Variants in CPA6 observed in about 807,000 individuals in gnomAD.
CPA6 encodes carboxypeptidase B.
In CPA6, 58 loss-of-function variants were observed where a neutral mutation model predicts 63.3. The observed-to-expected ratio is 0.92, with a 90% confidence interval of 0.74 to 1.14. The LOEUF (loss-of-function observed/expected upper bound fraction) is 1.14, where lower values mean the gene tolerates loss of function less well. CPA6 is among the 50% of genes most tolerant of loss of function. The pLI is 0.00. For synonymous variants in CPA6, 185 were observed against 179.0 expected (o/e 1.03, Z -0.27); for missense variants, 565 against 526.6 (o/e 1.07, Z -0.71).
chr8:67,716,444 G>A (rs759861740), intron 1 of CPA6, among the ~76,000 whole-genome samples: 14 of 152,134 alleles, frequency 9.2e-5, no homozygotes, highest in African/African-American at 2.7e-4. Context: ...AGAGACAAAT[G>A]GTTACATTCT....
intron 1 of CPA6, among the ~76,000 whole-genome samples, chr8:67,640,221 G>C (rs1203108739): frequency 1.6e-4 from 24 of 151,182 alleles, no homozygotes; most frequent in Admixed American, 1.6e-3. Flanking sequence ...CTTCACCAGG[G>C]ACCTGCCCCC....
chr8:67,422,449 G>A lies in CPA6; in HGVS notation c.*55C>T, dbSNP rs770461914. The A allele has an allele frequency of 3.0e-5, 45 of 1,483,918 alleles. No homozygotes were observed. The highest frequency in any genetic ancestry group is 4.0e-5 in the Non-Finnish European group (43 of 1,079,894). The allele number at this position is 1,483,918 out of a possible 1,614,324, so 91.9% of individuals were successfully genotyped here. On this transcript the variant is annotated 3_prime_UTR_variant, in exon 11 of 11. Transcript: ENST00000297770. ...TCTTTGAAAACAATTTCTATCCAGG[G>A]CCAAGTAGGCCTTGCTCAGAATCCT...
At chr8:67,665,006 C>T (rs1471073145) in intron 1 of CPA6, among the ~76,000 whole-genome samples, 1 of 152,148 alleles carries the variant, frequency 6.6e-6, no homozygotes, top group Non-Finnish European at 1.5e-5. Context: ...GCAATGGTTA[C>T]AGTAACCCAG....
At chr8:67,653,567 G>A (rs1815902243) in intron 1 of CPA6, among the ~76,000 whole-genome samples, 1 of 151,910 alleles carries the variant, frequency 6.6e-6, no homozygotes, top group Non-Finnish European at 1.5e-5. Context: ...GTATAAGAAT[G>A]TTTGTGATTT....
At chr8:67,667,242 A>T (rs1310398049) in intron 1 of CPA6, among the ~76,000 whole-genome samples, 1 of 151,382 alleles carries the variant, frequency 6.6e-6, no homozygotes, top group African/African-American at 2.5e-5. Context: ...GTCATTTCGG[A>T]TTGGGGTGAA....
intron 1 of CPA6, among the ~76,000 whole-genome samples, chr8:67,674,345 C>G (rs1816421113): frequency 6.6e-6 from 1 of 152,158 alleles, no homozygotes; most frequent in African/African-American, 2.4e-5. Context: ...GCTAAAGCCC[C>G]TTAGCTGTAA....
intron 1 of CPA6, among the ~76,000 whole-genome samples, chr8:67,630,285 C>T (rs541213906): frequency 1.3e-5 from 2 of 152,156 alleles, no homozygotes; most frequent in African/African-American, 4.8e-5. Context: ...CACTCACACA[C>T]CCATGCTCAC....
intron 8 of CPA6, among the ~76,000 whole-genome samples, chr8:67,448,862 C>T (rs948584109): frequency 6.6e-6 from 1 of 151,936 alleles, no homozygotes; most frequent in Non-Finnish European, 1.5e-5. Flanking sequence ...ATCATCCCTT[C>T]AGTTTTTCTA....
intron 1 of CPA6, among the ~76,000 whole-genome samples, chr8:67,651,024 AT>A (rs1175906316): frequency 1.3e-5 from 2 of 152,192 alleles, no homozygotes; most frequent in African/African-American, 4.8e-5. Context: ...GCAGTCTAAA[AT>A]TAGCCACTGA....
intron 8 of CPA6, among the ~76,000 whole-genome samples, chr8:67,441,487 A>G (rs1485425956): frequency 2.0e-5 from 3 of 152,212 alleles, no homozygotes; most frequent in East Asian, 1.9e-4. Context: ...AGAAAACTCA[A>G]CTAAAGAACT....
intron 8 of CPA6, among the ~76,000 whole-genome samples, chr8:67,469,854 T>C (rs1811016333): frequency 6.6e-6 from 1 of 152,056 alleles, no homozygotes. Flanking sequence ...TCCCTCTTTC[T>C]CTCTCTTTTT....
intron 1 of CPA6, among the ~76,000 whole-genome samples, chr8:67,674,822 C>G (rs1169339929): frequency 6.6e-6 from 1 of 152,004 alleles, no homozygotes; most frequent in Non-Finnish European, 1.5e-5. Flanking sequence ...ACATATACAC[C>G]ACGGAATACT....
At chr8:67,536,588 G>A (rs1323835850) in intron 2 of CPA6, among the ~76,000 whole-genome samples, 5 of 152,200 alleles carry the variant, frequency 3.3e-5, no homozygotes, top group Admixed American at 2.0e-4. Context: ...AGCTTAAGGA[G>A]TTTTTGGGCT....
intron 2 of CPA6, among the ~76,000 whole-genome samples, chr8:67,545,580 T>TTTTTTTTTTTTTTG (rs750417027): frequency 4.2e-4 from 53 of 125,662 alleles, no homozygotes; most frequent in Non-Finnish European, 6.7e-4. Flanking sequence ...TTTTTTTTTT[T>TTTTTTTTTTTTTTG]TTTTGAGATG....
At chr8:67,660,637 C>T (rs1816088534) in intron 1 of CPA6, among the ~76,000 whole-genome samples, 1 of 151,574 alleles carries the variant, frequency 6.6e-6, no homozygotes, top group Admixed American at 6.6e-5. Context: ...ACCTCTATGC[C>T]CGGCCTGTAT....
At chr8:67,737,390 C>T (rs1397734149) in intron 1 of CPA6, among the ~76,000 whole-genome samples, 2 of 152,196 alleles carry the variant, frequency 1.3e-5, no homozygotes, top group African/African-American at 4.8e-5. Context: ...CAATACCAGC[C>T]ATTTAAAAGA....
chr8:67,679,356 T>G (rs530508457), intron 1 of CPA6, among the ~76,000 whole-genome samples: 1 of 152,238 alleles, frequency 6.6e-6, no homozygotes, highest in African/African-American at 2.4e-5. Context: ...ATAAAACATA[T>G]GCTTTTGTGT....
At chr8:67,671,188 C>G (rs182565933) in intron 1 of CPA6, among the ~76,000 whole-genome samples, 81 of 152,364 alleles carry the variant, frequency 5.3e-4, no homozygotes, top group Non-Finnish European at 2.1e-4. Context: ...TCACCTCAAT[C>G]TTGCTGATAC....
intron 8 of CPA6, among the ~76,000 whole-genome samples, chr8:67,479,372 A>G (rs1811309041): frequency 6.6e-6 from 1 of 152,222 alleles, no homozygotes; most frequent in African/African-American, 2.4e-5. Flanking sequence ...CCCTACCCCT[A>G]TAAAGAAGGG....
Sources: allele counts gnomAD v4.1 joint callset (sites outside exome capture counted in the v4.1 genomes callset), GRCh38; gene constraint gnomAD v4.1.1; transcripts MANE v1.5; gene names NCBI Gene and HGNC (gene_info 2026-07-23, HGNC 2026-07-21).